Variants in NOL8 observed in about 807,000 individuals in gnomAD.
NOL8 encodes nucleolar protein 8.
NOL8 carries 93 observed loss-of-function variants against 116.1 expected under a neutral mutation model. That is an observed-to-expected ratio of 0.80 (90% CI 0.68 to 0.95). The LOEUF (loss-of-function observed/expected upper bound fraction) is 0.95. Ranked by LOEUF, NOL8 falls within the 40% of genes least tolerant of loss-of-function variation. NOL8 has a pLI of 0.00. For synonymous variants in NOL8, 419 were observed against 469.0 expected, an observed-to-expected ratio of 0.89 and a Z score of 1.38; for missense variants, 1,291 against 1,382.8, an observed-to-expected ratio of 0.93 and a Z score of 1.05.
At chr9:92,299,099 G>T in intron 14 of NOL8, 145 bp from the exon 15 acceptor site, 1 of 477,050 alleles carries the variant, frequency 2.1e-6, no homozygotes, top group South Asian at 4.3e-5. Context: ...ATCCAGGTGA[G>T]CGAGACTCTT....
rs1564229801 is a variant in NOL8, at chr9:92,315,013, A to C, written c.1612T>G (p.Cys538Gly). Residue 538 changes from cysteine (C) to glycine (G), a missense_variant, in exon 7 of 17, where the codon TGT becomes GGT. Transcript: ENST00000442668. ...GCCACAATCTCCGCAGGACGAATAC[A>C]CTGTCGGCCTCTGCGGAGGCCAGTG... ...TPTGLRRGRQ[C>G]IRPAEIVASL... is the part of the protein sequence containing the mutation. 1 of 1,613,974 alleles carries C rather than the reference A, an allele frequency of 6.2e-7. No homozygotes were observed. Among genetic ancestry groups the C allele is most frequent in the Admixed American group, 1.7e-5 (1 of 60,022 alleles).
chr9:92,300,905 T>C, intron 13 of NOL8: 2 of 1,003,522 alleles, frequency 2.0e-6, no homozygotes, highest in Non-Finnish European at 2.4e-6. Flanking sequence ...TAGTTAGGTA[T>C]GTGTGTATTC....
chr9:92,314,631 T>C lies in NOL8; in HGVS notation c.1994A>G (p.Glu665Gly). ...AGAAATAGGATTCTTACTTCTCTTT[T>C]CAGAACTGCTAGGGGACACTGCCTT... is the stretch of plus-strand genomic sequence containing the variant. ...DRKAVSPSSSEKRSKNPISRP... is the reference protein window; with the variant it reads ...DRKAVSPSSSGKRSKNPISRP... The change falls in exon 7 of 17, where the codon GAA (glutamate) becomes GGA (glycine). Residue 665 changes from glutamate (E) to glycine (G), a missense_variant. By Grantham distance (98) the Glu-to-Gly change is moderately conservative (BLOSUM62 -2). Coordinates refer to ENST00000442668, the MANE Select transcript of NOL8 (RefSeq NM_017948.6). 6.2e-7 allele frequency: 1 copy of C among 1,613,180 alleles called. No individual in the cohort carries two copies. Among genetic ancestry groups the C allele is most frequent in the Non-Finnish European group, 8.5e-7 (1 of 1,179,478 alleles).
intron 11 of NOL8, 59 bp from the exon 12 acceptor site, chr9:92,305,889 G>A (rs1365950424): frequency 5.2e-6 from 6 of 1,144,892 alleles, no homozygotes; most frequent in Admixed American, 1.9e-5. Context: ...AATACAAAAA[G>A]TAAGTAGCAA....
At chr9:92,306,811 A>T in intron 11 of NOL8, 75 bp downstream of exon 11, 1 of 1,414,244 alleles carries the variant, frequency 7.1e-7, no homozygotes, top group Non-Finnish European at 9.8e-7. Context: ...AAAGAGACCT[A>T]GTTTTAAATT....
chr9:92,320,945 A>C (rs1467247062), intron 4 of NOL8, among the ~76,000 whole-genome samples: 1 of 151,756 alleles, frequency 6.6e-6, no homozygotes, highest in Non-Finnish European at 1.5e-5. Context: ...TATTTTGAAA[A>C]CTCCCCAACA....
At chr9:92,301,442 G>GA in intron 13 of NOL8, 109 bp downstream of exon 13, 1 of 822,828 alleles carries the variant, frequency 1.2e-6, no homozygotes, top group Non-Finnish European at 1.8e-6. Context: ...CTAGGTAGAA[G>GA]AAAGAGTCCT....
intron 7 of NOL8, 37 bp from the exon 8 acceptor site, chr9:92,311,296 A>ATCTT: frequency 2.0e-6 from 3 of 1,492,568 alleles, no homozygotes; most frequent in Non-Finnish European, 2.8e-6. Flanking sequence ...TCTTAAAAAG[A>ATCTT]TTTATGATGA....
chr9:92,314,860 A>C lies in NOL8; in HGVS notation c.1765T>G (p.Leu589Val), dbSNP rs1396296125. ...TTGTTAGAGGCAACACTGTCTTTCA[A>C]GGATTTTTTCATTGACTCCTTTTCA... ...LYEKESMKKS[L>V]KDSVASNNKD... Residue 589 changes from leucine (L) to valine (V), a missense_variant, in exon 7 of 17, where the codon TTG (leucine) becomes GTG (valine). By Grantham distance (32) the Leu-to-Val change is conservative. Transcript: ENST00000442668. 1.9e-6 allele frequency: 3 copies of C among 1,613,486 alleles called. No individual in the cohort carries two copies. Among genetic ancestry groups the C allele is most frequent in the Non-Finnish European group, 2.5e-6 (3 of 1,179,764 alleles).
chr9:92,323,188 G>T lies in NOL8; in HGVS notation c.202+253C>A, dbSNP rs546768987. The stretch of plus-strand genomic sequence containing the variant: ...TAACAGGCAGTTTCTATGAAAGTTT[G>T]GTCCCTTGTCCAAAATATTTGAGAA... On this transcript the variant is annotated intron_variant, in intron 3 of 16. Coordinates refer to ENST00000442668, the MANE Select transcript of NOL8 (RefSeq NM_017948.6). The T allele has an allele frequency of 1.7e-5, 15 of 857,744 alleles. No individual in the cohort carries two copies. In the South Asian group the frequency reaches 2.9e-4, roughly 16 times the overall value. 53.1% of individuals were successfully genotyped at this position (857,744 alleles called of 1,614,324 possible).
At chr9:92,299,016 TAAG>T (rs1053975854) in intron 14 of NOL8, 62 bp from the exon 15 acceptor site, 25 of 783,262 alleles carry the variant, frequency 3.2e-5, no homozygotes, top group Non-Finnish European at 4.1e-5. Flanking sequence ...TTTCAATATT[TAAG>T]AAGAAATATT....
Position 92,314,837 on chromosome 9 carries a change from G to C in NOL8, c.1788C>G (p.Asn596Lys). The C allele has an allele frequency of 6.2e-7, 1 of 1,613,208 alleles. No individual in the cohort carries two copies. The highest frequency in any genetic ancestry group is 1.1e-5 in the South Asian group (1 of 90,982). The change falls in exon 7 of 17, where the codon AAC becomes AAG. Residue 596 changes from asparagine (N) to lysine (K), a missense_variant. Transcript: ENST00000442668. ...GTTTCATGGAATTCTGATCTTTATT[G>C]TTAGAGGCAACACTGTCTTTCAAGG... is the stretch of plus-strand genomic sequence containing the variant. The part of the protein sequence containing the change: ...KKSLKDSVAS[N>K]NKDQNSMKHE...
rs912504103 is a variant in NOL8, at chr9:92,316,238, C to T, written c.487-100G>A. 6.3e-6 allele frequency: 8 copies of T among 1,274,612 alleles called. No homozygotes were observed. In the African/African-American group the frequency reaches 9.0e-5, roughly 14 times the overall value. 79.0% of individuals were successfully genotyped at this position (1,274,612 alleles called of 1,614,324 possible). ...TGCTTAATCTCAAATAAGTCATTTCCCCCCCCTTTCAGTTTCCTGTAAAAG... is the reference window on the plus strand; with the variant it reads ...TGCTTAATCTCAAATAAGTCATTTCTCCCCCCTTTCAGTTTCCTGTAAAAG... On this transcript the variant is annotated intron_variant, in intron 6 of 16. Transcript: ENST00000442668.
At chr9:92,314,159 G>A in intron 7 of NOL8, 108 bp downstream of exon 7, 1 of 1,369,914 alleles carries the variant, frequency 7.3e-7, no homozygotes, top group South Asian at 2.3e-5. Flanking sequence ...ACATGAAACT[G>A]GTGAACACCA....
chr9:92,305,666 G>T (rs1217421500), intron 12 of NOL8, 87 bp downstream of exon 12: 3 of 918,680 alleles, frequency 3.3e-6, no homozygotes, highest in Non-Finnish European at 5.3e-6. Context: ...CCAATGAGTA[G>T]GATATTGGTT....
intron 6 of NOL8, among the ~76,000 whole-genome samples, chr9:92,318,173 T>C (rs1409595881): frequency 6.6e-6 from 1 of 151,812 alleles, no homozygotes; most frequent in Admixed American, 6.6e-5. Context: ...GCTCACACTC[T>C]GCTCCAAACT....
chr9:92,315,899 T>TA lies in NOL8; in HGVS notation c.725dup (p.Ile243AsnfsTer18). ...GCTGTGTTAAGGGTGGTCTCTCTAT[T>TA]ACCCTCCTGGGCCTTGTACTCATGG... is the stretch of plus-strand genomic sequence containing the variant. On this transcript the variant is annotated frameshift_variant, in exon 7 of 17. Coordinates refer to ENST00000442668, the MANE Select transcript of NOL8 (RefSeq NM_017948.6). LOFTEE classifies it high-confidence loss of function. 1.2e-6 allele frequency: 2 copies of TA among 1,613,866 alleles called. No individual in the cohort carries two copies. Among genetic ancestry groups the TA allele is most frequent in the Non-Finnish European group, 1.7e-6 (2 of 1,179,876 alleles).
chr9:92,298,905 T>C lies in NOL8; in HGVS notation c.3352A>G (p.Lys1118Glu), dbSNP rs1353199227. Residue 1118 changes from lysine (K) to glutamate (E), a missense_variant, in exon 15 of 17, where the codon AAG becomes GAG. By Grantham distance (56) the Lys-to-Glu change is moderately conservative. Transcript: ENST00000442668. Reference sequence around the variant, plus strand: ...TGACCTTGAAGTCGTTCATCATTCTTAGAGAAAAAGAAAAATCTAGTGGTC... The same window carrying C: ...TGACCTTGAAGTCGTTCATCATTCTCAGAGAAAAAGAAAAATCTAGTGGTC... ...KETTRFFFFSKNDERLQGSDL... is the reference protein window; with the variant it reads ...KETTRFFFFSENDERLQGSDL... The C allele has an allele frequency of 6.5e-7, 1 of 1,538,874 alleles. No individual in the cohort carries two copies. The highest frequency in any genetic ancestry group is 2.0e-5 in the Admixed American group (1 of 49,968).
At chr9:92,318,511 C>T (rs1839629542) in intron 6 of NOL8, 107 bp downstream of exon 6, 2 of 806,948 alleles carry the variant, frequency 2.5e-6, no homozygotes, top group African/African-American at 3.6e-5. Context: ...TGGGAACACG[C>T]AAACAAACAC....
Sources: gnomAD v4.1 joint callset for allele counts (sites outside exome capture counted in the v4.1 genomes callset) on GRCh38, gnomAD v4.1.1 for gene constraint, MANE v1.5 for transcripts, NCBI Gene and HGNC (gene_info 2026-07-23, HGNC 2026-07-21) for gene names.